KLF15: variants seen among roughly 807,000 people sequenced by gnomAD.
KLF15 encodes Krueppel-like factor 15.
A neutral mutation model predicts 24.6 loss-of-function variants in KLF15; 4 were observed. The ratio of observed to expected loss-of-function variants is 0.16; its 90% CI spans 0.08 to 0.37. The LOEUF is 0.37. KLF15 is among the 10% of genes least tolerant of loss of function. KLF15 has a pLI of 1.00. For missense variants in KLF15, 496 were observed against 560.6 expected (o/e 0.88, Z 1.16); for synonymous variants, 246 against 236.3 (o/e 1.04, Z -0.37).
At chr3:126,301,610 C>CTTTTTTTTTTTTTTTTTTTTTTTTT in the KLF15 span, among the ~76,000 whole-genome samples, 2 of 132,282 alleles carry the variant, frequency 1.5e-5, no homozygotes, top group Non-Finnish European at 3.1e-5. Context: ...TTTTCTTTTT[C>CTTTTTTTTTTTTTTTTTTTTTTTTT]TTTTTTTTTT....
At chr3:126,347,430 T>C (rs1169973237) in intron 2 of KLF15, among the ~76,000 whole-genome samples, 1 of 152,190 alleles carries the variant, frequency 6.6e-6, no homozygotes, top group Non-Finnish European at 1.5e-5. Flanking sequence ...CTACCACCTC[T>C]TGGCTCTGAC....
the KLF15 span, among the ~76,000 whole-genome samples, chr3:126,301,891 A>C: frequency 6.6e-6 from 1 of 151,932 alleles, no homozygotes; most frequent in Non-Finnish European, 1.5e-5. Context: ...CTGGGATTAC[A>C]GGAGTGAGCC....
the KLF15 span, among the ~76,000 whole-genome samples, chr3:126,306,030 G>C: frequency 6.6e-6 from 1 of 152,202 alleles, no homozygotes; most frequent in Admixed American, 6.5e-5. Flanking sequence ...CTGACTTGGA[G>C]GCTAACCCCT....
intron 1 of KLF15, among the ~76,000 whole-genome samples, chr3:126,353,496 T>G (rs1248747336): frequency 6.6e-6 from 1 of 152,244 alleles, no homozygotes; most frequent in African/African-American, 2.4e-5. Context: ...TACATTCGAA[T>G]TTCAGATTTA....
At chr3:126,317,583 A>G in the KLF15 span, among the ~76,000 whole-genome samples, 135 of 152,276 alleles carry the variant, frequency 8.9e-4, 2 homozygotes, top group South Asian at 6.4e-3. Context: ...GCACAATTTC[A>G]GTAAACACAC....
chr3:126,324,774 T>A, the KLF15 span, among the ~76,000 whole-genome samples: 1 of 145,846 alleles, frequency 6.9e-6, no homozygotes, highest in Non-Finnish European at 1.5e-5. Flanking sequence ...TTTTCATTGA[T>A]CTTTTTGCTT....
At chr3:126,298,345 G>C in the KLF15 span, among the ~76,000 whole-genome samples, 2 of 149,128 alleles carry the variant, frequency 1.3e-5, no homozygotes, top group African/African-American at 4.9e-5. Flanking sequence ...TGCAGATTCT[G>C]GATATTAGTC....
chr3:126,317,580 T>A, the KLF15 span, among the ~76,000 whole-genome samples: 3,160 of 152,164 alleles, frequency 0.021, 99 homozygotes, highest in African/African-American at 0.072. Flanking sequence ...TGTGCACAAT[T>A]TCAGTAAACA....
chr3:126,301,924 T>G, the KLF15 span, among the ~76,000 whole-genome samples: 1 of 140,654 alleles, frequency 7.1e-6, no homozygotes, highest in Non-Finnish European at 1.6e-5. Flanking sequence ...CCTGCTTTAT[T>G]TAAACGTAAT....
the KLF15 span, among the ~76,000 whole-genome samples, chr3:126,309,052 C>A: frequency 2.0e-4 from 30 of 152,298 alleles, no homozygotes; most frequent in African/African-American, 7.2e-4. Flanking sequence ...GGAGAGCAGG[C>A]ATCAAAGGTG....
intron 2 of KLF15, 60 bp downstream of exon 2, chr3:126,351,781 C>T: frequency 6.5e-7 from 1 of 1,541,416 alleles, no homozygotes; most frequent in South Asian, 1.2e-5. Context: ...GCTGCACACC[C>T]AAGTAAGCAG....
chr3:126,328,401 A>G, the KLF15 span, among the ~76,000 whole-genome samples: 3,012 of 152,254 alleles, frequency 0.02, 96 homozygotes, highest in African/African-American at 0.068. Context: ...TGCGTGGGCC[A>G]GTATCTTTTT....
chr3:126,312,307 G>A, the KLF15 span, among the ~76,000 whole-genome samples: 1 of 152,148 alleles, frequency 6.6e-6, no homozygotes, highest in Non-Finnish European at 1.5e-5. Context: ...CTGAGTAGCT[G>A]GGACTATAGG....
chr3:126,331,670 A>C, the KLF15 span, among the ~76,000 whole-genome samples: 12 of 152,314 alleles, frequency 7.9e-5, no homozygotes, highest in South Asian at 6.2e-4. Flanking sequence ...TGAGCGACGC[A>C]GAAGACGGGT....
chr3:126,356,418 G>A lies in KLF15; in HGVS notation c.-26+819C>T, dbSNP rs543739072. ...GGGGGGTTCCATGAGTAACACCAAG[G>A]CGGGGAGGGAAGAGTGAACCGGACC... On this transcript the variant is annotated intron_variant, in intron 1 of 2. Transcript: ENST00000296233. This position sits in a 1 kb window ranked among gnomAD's most constrained non-coding sequence, Gnocchi z 4.4. Among the ~76,000 whole-genome samples the A allele has an allele frequency of 7.9e-5, 12 of 152,306 alleles. No individual in the cohort carries two copies. In the East Asian group the frequency reaches 2.3e-3, roughly 29 times the overall value.
Position 126,343,788 on chromosome 3 carries a change from G to C in KLF15, c.1190C>G (p.Ser397Cys). Residue 397 changes from serine (S) to cysteine (C), a missense_variant, in exon 3 of 3, where the codon TCC (serine) becomes TGC (cysteine). Around this residue, in one of 3 missense-constraint regions of KLF15, gnomAD observed 38 missense variants for 31.5 expected, o/e 1.21. Coordinates refer to ENST00000296233, the MANE Select transcript of KLF15 (RefSeq NM_014079.4). ...EKKFARSDHL[S>C]KHIKVHRFPR... ...GAAGCGGTGCACCTTGATGTGCTTGGAGAGGTGGTCGCTCCGCGCGAACTT... is the reference window on the plus strand; with the variant it reads ...GAAGCGGTGCACCTTGATGTGCTTGCAGAGGTGGTCGCTCCGCGCGAACTT... 1 of 1,612,092 alleles carries C rather than the reference G, an allele frequency of 6.2e-7. No individual in the cohort carries two copies.
At chr3:126,355,778 C>T (rs1204028319) in intron 1 of KLF15, among the ~76,000 whole-genome samples, 3 of 152,182 alleles carry the variant, frequency 2.0e-5, no homozygotes, top group African/African-American at 7.2e-5. Context: ...GAATGGGTGG[C>T]CCAGGTCAGC....
At chr3:126,296,245 A>G in the KLF15 span, among the ~76,000 whole-genome samples, 2 of 152,306 alleles carry the variant, frequency 1.3e-5, no homozygotes, top group African/African-American at 2.4e-5. Flanking sequence ...GTCTCGCTCT[A>G]TCGCCCAGGT....
At chr3:126,290,331 G>C in the KLF15 span, among the ~76,000 whole-genome samples, 1 of 152,204 alleles carries the variant, frequency 6.6e-6, no homozygotes, top group Non-Finnish European at 1.5e-5. Context: ...GGCAAGCCCA[G>C]CTCCAGGGCT....
Sources: gnomAD v4.1 joint callset for allele counts (sites outside exome capture counted in the v4.1 genomes callset) on GRCh38, gnomAD v4.1.1 for gene constraint, gnomAD v4.1.1 regional missense constraint, Gnocchi (gnomAD v3.1) non-coding constraint, MANE v1.5 for transcripts, NCBI Gene and HGNC (gene_info 2026-07-23, HGNC 2026-07-21) for gene names.